DBNL: variants seen among roughly 807,000 people sequenced by gnomAD.
DBNL encodes drebrin like.
Under a neutral mutation model 62.2 loss-of-function variants are expected in DBNL, and 35 were observed. The observed-to-expected ratio is 0.56, with a 90% CI of 0.43 to 0.75. DBNL has a LOEUF of 0.75. Among genes scored for constraint, DBNL ranks in the 30% least tolerant of loss-of-function variants. DBNL has a pLI of 0.00. For missense variants in DBNL, 495 were observed against 578.4 expected (o/e 0.86, Z 1.48); for synonymous variants, 197 against 218.0 (o/e 0.90, Z 0.85).
rs1005376169 is a variant in DBNL, at chr7:44,044,987, G to T, written c.83+167G>T. 6.7e-6 allele frequency: 4 copies of T among 601,278 alleles called. No homozygotes were observed. In the African/African-American group the frequency reaches 7.8e-5, roughly 12 times the overall value. The allele number at this position is 601,278 out of a possible 1,614,324, so 37.2% of individuals were successfully genotyped here. A position where few individuals can be genotyped will look rare whatever the true frequency, so the allele number is the denominator to read the frequency against. ...CCCTCCACACCGCAGCAGGAGTGCT[G>T]TCTCACCCTCGTGACCCCTTGCCCC... On this transcript the variant is annotated intron_variant, in intron 1 of 12. Transcript: ENST00000448521.
At position 44,065,509 on chromosome 7, in the gene DBNL, CA is replaced by C. The variant is rs764567774; in HGVS notation, c.*4594del. The C allele has an allele frequency of 2.2e-5, 36 of 1,613,966 alleles. No homozygotes were observed. Among genetic ancestry groups the C allele is most frequent in the Admixed American group, 5.0e-5 (3 of 60,014 alleles). On this transcript the variant is annotated 3_prime_UTR_variant, in exon 13 of 13. Transcript: ENST00000448521. ...ATGTGCTCTCGCCGTGCCGGACCAT[CA>C]CGAGGCGGTGAGTGGCCATGGTGGC...
chr7:44,052,623 A>G (rs1326942535), intron 3 of DBNL, among the ~76,000 whole-genome samples: 2 of 152,046 alleles, frequency 1.3e-5, no homozygotes, highest in African/African-American at 2.4e-5. Context: ...AAAAAAAAAA[A>G]AAAAGAAAAT....
At position 44,065,735 on chromosome 7, in the gene DBNL, C is replaced by A; in HGVS notation, c.*4819C>A. The A allele has an allele frequency of 1.6e-6, 1 of 615,442 alleles. No homozygotes were observed. The highest frequency in any genetic ancestry group is 2.6e-5 in the Admixed American group (1 of 37,974). The allele number at this position is 615,442 out of a possible 1,614,324, so 38.1% of individuals were successfully genotyped here. On this transcript the variant is annotated 3_prime_UTR_variant, in exon 13 of 13. Coordinates refer to ENST00000448521, the MANE Select transcript of DBNL (RefSeq NM_001014436.3). ...GCCAAGAGGCTGTGCTTAAAATAGC[C>A]CCACGCATCCACCAGCTCCTGGCCT...
rs775823347 is a variant in DBNL, at chr7:44,069,330, G to A, written c.*8414G>A. 2.6e-5 allele frequency: 4 copies of A among 152,220 alleles called. No homozygotes were observed. The highest frequency in any genetic ancestry group is 2.4e-5 in the African/African-American group (1 of 41,456). 9.4% of individuals were successfully genotyped at this position (152,220 alleles called of 1,614,324 possible). A position where few individuals can be genotyped will look rare whatever the true frequency, so the allele number is the denominator to read the frequency against. On this transcript the variant is annotated 3_prime_UTR_variant, in exon 13 of 13. Coordinates refer to ENST00000448521, the MANE Select transcript of DBNL (RefSeq NM_001014436.3). ...GAGGCTTCAGTGTATACAGATGTAA[G>A]ACAACTAGAACATGAGGGGAGAAGG...
Position 44,064,984 on chromosome 7 carries a change from C to T in DBNL, c.*4068C>T. 6.2e-7 allele frequency: 1 copy of T among 1,606,772 alleles called. No homozygotes were observed. ...GAGGCTCTCGCAGGTGGGGAGTTCC[C>T]CGGGCTTCAGGCCTGCGTACCGACG... On this transcript the variant is annotated 3_prime_UTR_variant, in exon 13 of 13. Transcript: ENST00000448521.
Position 44,044,832 on chromosome 7 carries a change from G to A in DBNL, c.83+12G>A. On this transcript the variant is annotated intron_variant, in intron 1 of 12. Transcript: ENST00000448521. ...TCCCCGACCGACTGGTGGGCGGCGAGACGGGCCAGGGTCGGGCCAGGGGCT... is the reference window on the plus strand; with the variant it reads ...TCCCCGACCGACTGGTGGGCGGCGAAACGGGCCAGGGTCGGGCCAGGGGCT... The A allele has an allele frequency of 6.8e-7, 1 of 1,465,488 alleles. No individual in the cohort carries two copies. The highest frequency in any genetic ancestry group is 9.0e-7 in the Non-Finnish European group (1 of 1,106,858). 90.8% of individuals were successfully genotyped at this position (1,465,488 alleles called of 1,614,324 possible).
chr7:44,051,901 G>A lies in DBNL; in HGVS notation c.211G>A (p.Asp71Asn). 6.2e-7 allele frequency: 1 copy of A among 1,614,166 alleles called. No homozygotes were observed. Among genetic ancestry groups the A allele is most frequent in the Non-Finnish European group, 8.5e-7 (1 of 1,180,022 alleles). ...KVMYAFCRVKDPNSGLPKFVL... is the reference protein window; with the variant it reads ...KVMYAFCRVKNPNSGLPKFVL... ...GATGTACGCCTTCTGCAGAGTGAAG[G>A]ACCCCAACTCTGGACTGCCCAAATT... The change falls in exon 3 of 13, where the codon GAC becomes AAC. Residue 71 changes from aspartate (D) to asparagine (N), a missense_variant. Physicochemically the swap from Asp to Asn is conservative, Grantham distance 23. Coordinates refer to ENST00000448521, the MANE Select transcript of DBNL (RefSeq NM_001014436.3).
Position 44,061,069 on chromosome 7 carries a change from C to T in DBNL, c.*153C>T, listed in dbSNP as rs2096148097. 4.9e-6 allele frequency: 5 copies of T among 1,021,700 alleles called. No homozygotes were observed. Among genetic ancestry groups the T allele is most frequent in the Non-Finnish European group, 6.9e-6 (5 of 721,552 alleles). The allele number at this position is 1,021,700 out of a possible 1,614,324, so 63.3% of individuals were successfully genotyped here. On this transcript the variant is annotated 3_prime_UTR_variant, in exon 13 of 13. Coordinates refer to ENST00000448521, the MANE Select transcript of DBNL (RefSeq NM_001014436.3). ...CTCCCTCCGGCTTGGCAGACTCAGC[C>T]TGTCACCCCAAATGCAGCAATGGCC...
intron 4 of DBNL, among the ~76,000 whole-genome samples, chr7:44,056,063 T>C (rs2096135665): frequency 1.3e-5 from 2 of 152,228 alleles, no homozygotes; most frequent in South Asian, 4.1e-4. Context: ...CATTTAAGTC[T>C]TTTTAACCCA....
rs1156271476 is a variant in DBNL at position 44,065,159 on chromosome 7, G to A, written c.*4243G>A. ...GTAGGGGTGCTTCTCGTCCATCGGG[G>A]GCGGCGGGATGTCGAAGGAGCGCCT... On this transcript the variant is annotated 3_prime_UTR_variant, in exon 13 of 13. Coordinates refer to ENST00000448521, the MANE Select transcript of DBNL (RefSeq NM_001014436.3). The A allele has an allele frequency of 6.2e-7, 1 of 1,614,088 alleles. No individual in the cohort carries two copies. The highest frequency in any genetic ancestry group is 1.1e-5 in the South Asian group (1 of 91,088).
chr7:44,054,873 G>A (rs1477477947), intron 4 of DBNL, among the ~76,000 whole-genome samples: 1 of 152,134 alleles, frequency 6.6e-6, no homozygotes, highest in African/African-American at 2.4e-5. Context: ...ACATGAGTGA[G>A]AACATGCAAT....
chr7:44,052,890 G>T lies in DBNL; in HGVS notation c.276G>T (p.Val92=). 6.2e-7 allele frequency: 1 copy of T among 1,613,862 alleles called. No homozygotes were observed. The highest frequency in any genetic ancestry group is 2.2e-5 in the East Asian group (1 of 44,878). The change falls in exon 4 of 13, where the codon GTG becomes GTT. Residue 92 remains valine (V), a synonymous_variant. Coordinates refer to ENST00000448521, the MANE Select transcript of DBNL (RefSeq NM_001014436.3). ...AGACAGGCGAGGGCGTGAACGATGT[G>T]CGGAAGGGAGCCTGTGCCAGCCACG... ...INWTGEGVND[V]RKGACASHVS... is the part of the protein sequence containing the mutation.
intron 8 of DBNL, 69 bp downstream of exon 8, chr7:44,058,549 G>A: frequency 6.3e-7 from 1 of 1,583,138 alleles, no homozygotes; most frequent in East Asian, 2.3e-5. Flanking sequence ...ATCTCGGATT[G>A]AGGGCCCAGC....
In DBNL at chr7:44,065,653, G is replaced by C. The variant is rs1003499099; in HGVS notation, c.*4737G>C. The C allele has an allele frequency of 1.4e-5, 13 of 932,374 alleles. 1 individual carries two copies. Among genetic ancestry groups the C allele is most frequent in the Admixed American group, 5.7e-5 (3 of 52,376 alleles). The allele number at this position is 932,374 out of a possible 1,614,324, so 57.8% of individuals were successfully genotyped here. A position where few individuals can be genotyped will look rare whatever the true frequency, so the allele number is the denominator to read the frequency against. On this transcript the variant is annotated 3_prime_UTR_variant, in exon 13 of 13. Transcript: ENST00000448521. ...CCAACTGCCAATCAGCATTCCAGGC[G>C]GTGGCAGGTGACCAGTAGCTGAGCT...
chr7:44,052,743 A>G, intron 3 of DBNL, 124 bp from the exon 4 acceptor site: 1 of 1,121,410 alleles, frequency 8.9e-7, no homozygotes, highest in Admixed American at 2.1e-5. Flanking sequence ...AGTCAGAAGA[A>G]TAGGTTCTGC....
At chr7:44,050,337 G>C in intron 2 of DBNL, 57 bp downstream of exon 2, 3 of 1,590,852 alleles carry the variant, frequency 1.9e-6, no homozygotes, top group Non-Finnish European at 2.6e-6. Context: ...GTGACGACGA[G>C]GGGTCAGCGC....
rs1270928895 is a variant in DBNL, at chr7:44,061,509, C to T, written c.*593C>T. The T allele has an allele frequency of 6.5e-6, 1 of 154,080 alleles. No homozygotes were observed. The highest frequency in any genetic ancestry group is 6.4e-5 in the Admixed American group (1 of 15,614). The allele number at this position is 154,080 out of a possible 1,614,324, so 9.5% of individuals were successfully genotyped here. A position where few individuals can be genotyped will look rare whatever the true frequency, so the allele number is the denominator to read the frequency against. On this transcript the variant is annotated 3_prime_UTR_variant, in exon 13 of 13. Coordinates refer to ENST00000448521, the MANE Select transcript of DBNL (RefSeq NM_001014436.3). Reference sequence around the variant, plus strand: ...TATGGGAAGTGGGGATGCAGATGGCCAAGCTCCCACCCTGGGTATTCAAAA... The same window carrying T: ...TATGGGAAGTGGGGATGCAGATGGCTAAGCTCCCACCCTGGGTATTCAAAA...
Position 44,060,965 on chromosome 7 carries a change from T to C in DBNL, c.*49T>C. ...CCCCTCTCAGACATGGCTTCCTTATTGCTGGAAGAGGAGGCCTGGGAGTTG... is the reference window on the plus strand; with the variant it reads ...CCCCTCTCAGACATGGCTTCCTTATCGCTGGAAGAGGAGGCCTGGGAGTTG... On this transcript the variant is annotated 3_prime_UTR_variant, in exon 13 of 13. Transcript: ENST00000448521. The surrounding 1 kb of genome is among the most constrained non-coding windows in gnomAD (Gnocchi z 6.3). The C allele has an allele frequency of 1.9e-6, 3 of 1,593,244 alleles. No homozygotes were observed. In the East Asian group the frequency reaches 6.7e-5, roughly 36 times the overall value.
In DBNL at chr7:44,062,472, A is replaced by G. The variant is rs2096151053; in HGVS notation, c.*1556A>G. ...TGGCCTCTTCTAACTGGCCCCAAGC[A>G]CGCCAATTCTGGAGCATGGTTACTA... On this transcript the variant is annotated 3_prime_UTR_variant, in exon 13 of 13. Transcript: ENST00000448521. 4 of 447,664 alleles carry G rather than the reference A, an allele frequency of 8.9e-6. No individual in the cohort carries two copies. The Admixed American group carries it at 1.0e-4, about 12-fold the overall frequency. 27.7% of individuals were successfully genotyped at this position (447,664 alleles called of 1,614,324 possible).
Sources: allele counts gnomAD v4.1 joint callset (sites outside exome capture counted in the v4.1 genomes callset), GRCh38; gene constraint gnomAD v4.1.1; non-coding constraint Gnocchi (gnomAD v3.1); transcripts MANE v1.5; gene names NCBI Gene and HGNC (gene_info 2026-07-23, HGNC 2026-07-21).